Variants in OOEP observed in about 807,000 individuals in gnomAD.
The protein encoded by OOEP is oocyte expressed protein.
Under a neutral mutation model 13.7 loss-of-function variants are expected in OOEP, and 16 were observed. The ratio of observed to expected loss-of-function variants is 1.16; its 90% CI spans 0.79 to 1.77. The LOEUF (loss-of-function observed/expected upper bound fraction) is 1.77, where lower values mean the gene tolerates loss of function less well. OOEP is among the 40% of genes most tolerant of loss of function. The pLI, the probability that OOEP is intolerant of heterozygous loss-of-function variation, is 0.00. For missense variants in OOEP, 195 were observed against 193.1 expected (o/e 1.01, Z -0.06); for synonymous variants, 89 against 77.1 (o/e 1.15, Z -0.81).
chr6:73,389,299 A>C (rs981136880), intron 2 of OOEP, among the ~76,000 whole-genome samples: 2 of 152,180 alleles, frequency 1.3e-5, no homozygotes, highest in Non-Finnish European at 2.9e-5. Context: ...CTACTCCGGA[A>C]CTGGCGGTCA....
intron 2 of OOEP, among the ~76,000 whole-genome samples, chr6:73,375,360 C>G (rs1170933374): frequency 6.6e-6 from 1 of 151,982 alleles, no homozygotes; most frequent in Non-Finnish European, 1.5e-5. Flanking sequence ...GGAGGACTGC[C>G]TGAGGCCAGG....
rs774260334 is a variant in OOEP, at chr6:73,369,867, G to C, written c.-75C>G. The C allele has an allele frequency of 1.1e-5, 15 of 1,405,506 alleles. No individual in the cohort carries two copies. Among genetic ancestry groups the C allele is most frequent in the Non-Finnish European group, 1.5e-5 (15 of 1,017,724 alleles). The allele number at this position is 1,405,506 out of a possible 1,614,324, so 87.1% of individuals were successfully genotyped here. On this transcript the variant is annotated 5_prime_UTR_variant, in exon 1 of 3. Transcript: ENST00000370359. The stretch of plus-strand genomic sequence containing the variant: ...TCTTCCAGACCCAGGCGCGAAGCTC[G>C]GGCTCTCTTTTACCATATTCGACCC...
At chr6:73,374,875 G>C (rs1438676304), upstream of OOEP, among the ~76,000 whole-genome samples, 1 of 152,114 alleles carries the variant, frequency 6.6e-6, no homozygotes, top group East Asian at 1.9e-4. Flanking sequence ...GCCCAGGCTG[G>C]AGTGCAGTGG....
chr6:73,369,876 T>C lies in OOEP; in HGVS notation c.-84A>G, dbSNP rs1044107834. 2 of 1,333,316 alleles carry C rather than the reference T, an allele frequency of 1.5e-6. No individual in the cohort carries two copies. The highest frequency in any genetic ancestry group is 2.1e-6 in the Non-Finnish European group (2 of 956,156). The allele number at this position is 1,333,316 out of a possible 1,614,324, so 82.6% of individuals were successfully genotyped here. ...CCCAGGCGCGAAGCTCGGGCTCTCT[T>C]TTACCATATTCGACCCGCTCCGCCC... On this transcript the variant is annotated 5_prime_UTR_variant, in exon 1 of 3. Transcript: ENST00000370359.
chr6:73,388,818 A>G (rs565113528), intron 2 of OOEP, among the ~76,000 whole-genome samples: 1 of 152,346 alleles, frequency 6.6e-6, no homozygotes, highest in Admixed American at 6.5e-5. Flanking sequence ...TGAAAACTTA[A>G]GGAGCGGATT....
chr6:73,370,316 T>G (rs1196830293), upstream of OOEP, among the ~76,000 whole-genome samples: 1 of 152,230 alleles, frequency 6.6e-6, no homozygotes, highest in Non-Finnish European at 1.5e-5. Flanking sequence ...GTTACCATTT[T>G]TAAATCATTC....
At chr6:73,373,217 T>TG, upstream of OOEP, 1 of 1,613,168 alleles carries the variant, frequency 6.2e-7, no homozygotes, top group East Asian at 2.2e-5. Flanking sequence ...TTGCTTTTGT[T>TG]TCTTGGCCAG....
intron 2 of OOEP, among the ~76,000 whole-genome samples, chr6:73,392,409 A>G (rs1313453664): frequency 1.3e-5 from 2 of 151,984 alleles, no homozygotes; most frequent in Non-Finnish European, 1.5e-5. Flanking sequence ...GGTTCAAGCA[A>G]TTCTCTCACC....
At position 73,369,003 on chromosome 6, in the gene OOEP, T is replaced by C. The variant is rs1349839428; in HGVS notation, c.371-140A>G. 1.7e-5 allele frequency: 14 copies of C among 816,466 alleles called. No homozygotes were observed. The Admixed American group carries it at 2.8e-4, about 16-fold the overall frequency. The allele number at this position is 816,466 out of a possible 1,614,324, so 50.6% of individuals were successfully genotyped here. On this transcript the variant is annotated intron_variant, in intron 2 of 2. Transcript: ENST00000370359. ...CAGGTGAGGCTGACTTGGGCAGTGA[T>C]GGGTCTGAATCTATCAGATCTCTGC...
rs1768994282 is a variant in OOEP, at chr6:73,368,679, CA to C, written c.*104del. On this transcript the variant is annotated 3_prime_UTR_variant, in exon 3 of 3. Coordinates refer to ENST00000370359, the MANE Select transcript of OOEP (RefSeq NM_001080507.3). ...AAATAAACCACAATCCATCAAGACA[CA>C]GGAAAAAGGAATACGGGGATTTAAG... The C allele has an allele frequency of 1.3e-6, 1 of 745,008 alleles. No individual in the cohort carries two copies. Among genetic ancestry groups the C allele is most frequent in the African/African-American group, 1.7e-5 (1 of 57,710 alleles). 46.1% of individuals were successfully genotyped at this position (745,008 alleles called of 1,614,324 possible).
At chr6:73,374,254 A>C (rs898431971), upstream of OOEP, among the ~76,000 whole-genome samples, 1 of 152,182 alleles carries the variant, frequency 6.6e-6, no homozygotes, top group South Asian at 2.1e-4. Context: ...CTCCATTAAA[A>C]GTACCTGGAG....
chr6:73,371,440 TA>T (rs1769052800), upstream of OOEP, among the ~76,000 whole-genome samples: 1 of 151,942 alleles, frequency 6.6e-6, no homozygotes, highest in Non-Finnish European at 1.5e-5. Flanking sequence ...CGGTCTCTAC[TA>T]AAAATACAAA....
At chr6:73,377,692 G>C (rs1440031983) in intron 2 of OOEP, among the ~76,000 whole-genome samples, 2 of 152,088 alleles carry the variant, frequency 1.3e-5, no homozygotes, top group Non-Finnish European at 2.9e-5. Flanking sequence ...TTCATTGACA[G>C]AGTCTTACTC....
chr6:73,375,919 G>T (rs1216741694), intron 2 of OOEP, among the ~76,000 whole-genome samples: 1 of 151,332 alleles, frequency 6.6e-6, no homozygotes, highest in Non-Finnish European at 1.5e-5. Context: ...AGCCTCCCGA[G>T]TAGCTGGGAT....
At chr6:73,380,812 G>T (rs1362970673) in intron 2 of OOEP, among the ~76,000 whole-genome samples, 1 of 152,080 alleles carries the variant, frequency 6.6e-6, no homozygotes, top group Non-Finnish European at 1.5e-5. Context: ...TGGTAGAGAG[G>T]CTAGAGAAGA....
chr6:73,385,691 G>A (rs1769263761), intron 2 of OOEP, among the ~76,000 whole-genome samples: 1 of 151,556 alleles, frequency 6.6e-6, no homozygotes, highest in Non-Finnish European at 1.5e-5. Context: ...GAGTTCAAGC[G>A]ATTCTCCTAT....
intron 1 of OOEP, chr6:73,394,713 G>A: frequency 1.3e-6 from 1 of 780,414 alleles, no homozygotes; most frequent in Non-Finnish European, 2.0e-6. Flanking sequence ...CGCCCACAAC[G>A]CTCACTGGCC....
intron 2 of OOEP, among the ~76,000 whole-genome samples, chr6:73,378,314 A>T (rs2150780785): frequency 6.6e-6 from 1 of 151,704 alleles, no homozygotes; most frequent in Non-Finnish European, 1.5e-5. Context: ...CATGTTGGCC[A>T]GGCTGGTCTT....
Position 73,384,876 on chromosome 6 carries a change from A to G in OOEP, c.25+9470T>C, listed in dbSNP as rs1769248386. Among the ~76,000 whole-genome samples, 3 of 151,728 alleles carry G rather than the reference A, an allele frequency of 2.0e-5. No homozygotes were observed. The South Asian group carries it at 6.2e-4, about 31-fold the overall frequency. ...CTCAACCTCCTGAGTAGCTGGGATT[A>G]CAGGCACGTGCCACCACGTCTGGGT... On this transcript the variant is annotated intron_variant, in intron 2 of 3. Coordinates refer to the OOEP transcript ENST00000370363.
Sources: gnomAD v4.1 joint callset for allele counts (sites outside exome capture counted in the v4.1 genomes callset) on GRCh38, gnomAD v4.1.1 for gene constraint, MANE v1.5 for transcripts, NCBI Gene and HGNC (gene_info 2026-07-23, HGNC 2026-07-21) for gene names.